The following SGCD variants were observed in gnomAD, a reference collection of about 807,000 sequenced individuals.
The protein encoded by SGCD is sarcoglycan delta, also known as delta-sarcoglycan.
A neutral mutation model predicts 36.6 loss-of-function variants in SGCD; 18 were observed. That is an observed-to-expected ratio of 0.49 (90% confidence interval 0.34 to 0.73). SGCD has a LOEUF of 0.73. Among genes scored for constraint, SGCD ranks in the 30% least tolerant of loss-of-function variants. The pLI, the probability that SGCD is intolerant of heterozygous loss-of-function variation, is 0.01. For missense variants in SGCD, 387 were observed against 346.7 expected (o/e 1.12, Z -0.92); for synonymous variants, 133 against 130.6 (o/e 1.02, Z -0.12).
intron 3 of SGCD, among the ~76,000 whole-genome samples, chr5:156,461,434 G>C (rs1324492464): frequency 6.6e-6 from 1 of 152,026 alleles, no homozygotes; most frequent in Non-Finnish European, 1.5e-5. Flanking sequence ...ACTATGAAAT[G>C]AGAGTAAATT....
chr5:156,561,547 T>A (rs533446681), intron 4 of SGCD, among the ~76,000 whole-genome samples: 54 of 152,308 alleles, frequency 3.5e-4, no homozygotes, highest in South Asian at 1.9e-3. Context: ...TTTTGATTAG[T>A]TTGAAACATA....
At chr5:156,501,374 G>A (rs2127863163) in intron 3 of SGCD, among the ~76,000 whole-genome samples, 1 of 152,310 alleles carries the variant, frequency 6.6e-6, no homozygotes, top group Admixed American at 6.5e-5. Flanking sequence ...CTGAAATGGT[G>A]ACAAAGGGAG....
At chr5:155,802,512 A>G in the SGCD span, among the ~76,000 whole-genome samples, 4 of 152,232 alleles carry the variant, frequency 2.6e-5, no homozygotes. Flanking sequence ...TGGCAAAATG[A>G]ATACACATAG....
At chr5:156,440,974 G>A (rs1040157372) in intron 3 of SGCD, among the ~76,000 whole-genome samples, 5 of 151,968 alleles carry the variant, frequency 3.3e-5, no homozygotes, top group African/African-American at 1.2e-4. Flanking sequence ...AAAATTCATT[G>A]ATTTTTATTT....
intron 3 of SGCD, among the ~76,000 whole-genome samples, chr5:156,222,330 G>A (rs1333795787): frequency 6.6e-6 from 1 of 152,048 alleles, no homozygotes; most frequent in East Asian, 1.9e-4. Context: ...TGGACATAAG[G>A]TAGAAAATAT....
At chr5:155,939,711 A>G (rs1404000841) in intron 1 of SGCD, among the ~76,000 whole-genome samples, 1 of 151,722 alleles carries the variant, frequency 6.6e-6, no homozygotes, top group Non-Finnish European at 1.5e-5. Context: ...GAATTAAAAA[A>G]CAATTTAAAT....
At chr5:155,757,190 T>TA in the SGCD span, among the ~76,000 whole-genome samples, 1 of 152,176 alleles carries the variant, frequency 6.6e-6, no homozygotes, top group African/African-American at 2.4e-5. Context: ...TTGCAAGAGA[T>TA]AGAGTTTATA....
chr5:156,116,989 A>G (rs1443792896), intron 1 of SGCD, among the ~76,000 whole-genome samples: 3 of 152,090 alleles, frequency 2.0e-5, no homozygotes, highest in African/African-American at 7.2e-5. Flanking sequence ...GTGGCAGGTC[A>G]TTCTCTACAG....
At chr5:155,944,625 A>G (rs551714050) in intron 1 of SGCD, among the ~76,000 whole-genome samples, 1 of 152,322 alleles carries the variant, frequency 6.6e-6, no homozygotes, top group East Asian at 1.9e-4. Flanking sequence ...TTCAACAAAT[A>G]TGTATTGAAG....
intron 7 of SGCD, among the ~76,000 whole-genome samples, chr5:156,701,952 A>T (rs1754545228): frequency 6.6e-6 from 1 of 152,228 alleles, no homozygotes; most frequent in Non-Finnish European, 1.5e-5. Context: ...AAAATCAGAT[A>T]GGTAGACTCA....
intron 3 of SGCD, among the ~76,000 whole-genome samples, chr5:156,182,604 A>G (rs1412921751): frequency 1.3e-5 from 2 of 152,200 alleles, no homozygotes; most frequent in African/African-American, 4.8e-5. Context: ...GTCAAAAAAA[A>G]TAAAAAGAAC....
At chr5:156,350,394 T>G (rs1769189573) in intron 3 of SGCD, among the ~76,000 whole-genome samples, 1 of 151,756 alleles carries the variant, frequency 6.6e-6, no homozygotes, top group African/African-American at 2.4e-5. Flanking sequence ...TGACGAACTA[T>G]AAGAACGATG....
chr5:156,596,523 T>G (rs1323245759), intron 6 of SGCD, among the ~76,000 whole-genome samples: 2 of 152,194 alleles, frequency 1.3e-5, no homozygotes, highest in South Asian at 2.1e-4. Flanking sequence ...ATTATTAGTA[T>G]TATTATAAGG....
rs999149586 is a variant in SGCD at position 156,760,437 on chromosome 5, C to T, written c.*1047C>T. On this transcript the variant is annotated 3_prime_UTR_variant, in exon 9 of 9. Coordinates refer to ENST00000337851, the MANE Select transcript of SGCD (RefSeq NM_000337.6). ...ATTGGTGGGAAATGTCAAAACATGC[C>T]CTTTATTTTTAAAGGCATTCACAAA... 6.6e-5 allele frequency: 10 copies of T among 152,052 alleles called. No homozygotes were observed. The highest frequency in any genetic ancestry group is 1.9e-4 in the African/African-American group (8 of 41,400). The allele number at this position is 152,052 out of a possible 1,614,324, so 9.4% of individuals were successfully genotyped here.
intron 1 of SGCD, among the ~76,000 whole-genome samples, chr5:156,032,147 A>T (rs1005497218): frequency 6.6e-6 from 1 of 152,148 alleles, no homozygotes; most frequent in African/African-American, 2.4e-5. Context: ...AAAATAAAAA[A>T]AAAAACCTAA....
At chr5:155,770,725 C>A in the SGCD span, among the ~76,000 whole-genome samples, 1 of 152,092 alleles carries the variant, frequency 6.6e-6, no homozygotes, top group Non-Finnish European at 1.5e-5. Context: ...GTACTTGTTG[C>A]ATTATTGAAT....
intron 3 of SGCD, among the ~76,000 whole-genome samples, chr5:156,242,944 C>T (rs577101077): frequency 5.3e-5 from 8 of 152,212 alleles, no homozygotes; most frequent in Non-Finnish European, 1.0e-4. Context: ...GCTACAGAGA[C>T]GTGGCTGGGT....
rs550009597 is a variant in SGCD at position 156,445,528 on chromosome 5, G to A, written c.193-63073G>A. Among the ~76,000 whole-genome samples the A allele has an allele frequency of 1.1e-4, 16 of 152,204 alleles. No individual in the cohort carries two copies. In the South Asian group the frequency reaches 2.1e-3, roughly 20 times the overall value. The stretch of plus-strand genomic sequence containing the variant: ...ATTGTGCTGTCACTGCCCTCAGTCC[G>A]GTGTTCATGATTGAGAATGAGATGT... On this transcript the variant is annotated intron_variant, in intron 3 of 8. Transcript: ENST00000337851.
At chr5:156,459,484 G>A (rs910898620) in intron 3 of SGCD, among the ~76,000 whole-genome samples, 3 of 152,122 alleles carry the variant, frequency 2.0e-5, no homozygotes, top group Admixed American at 6.6e-5. Context: ...CCTGTGTCTT[G>A]GAGGAATTGT....
Sources: allele counts gnomAD v4.1 joint callset (sites outside exome capture counted in the v4.1 genomes callset), GRCh38; gene constraint gnomAD v4.1.1; transcripts MANE v1.5; gene names NCBI Gene and HGNC (gene_info 2026-07-23, HGNC 2026-07-21).